Variants in FSTL5 observed in about 807,000 individuals in gnomAD.
The protein encoded by FSTL5 is follistatin-related protein 5.
In FSTL5, 62 loss-of-function variants were observed where a neutral mutation model predicts 89.1. That is an observed-to-expected ratio of 0.70 (90% CI 0.57 to 0.86). The LOEUF (loss-of-function observed/expected upper bound fraction) is 0.86, where lower values mean the gene tolerates loss of function less well. Among genes scored for constraint, FSTL5 ranks in the 40% least tolerant of loss-of-function variants. The probability of loss-of-function intolerance (pLI) is 0.00; values close to 1 mark genes in which losing one functional copy is unlikely to be tolerated. For missense variants in FSTL5, 1,057 were observed against 1,001.6 expected (o/e 1.06, Z -0.75); for synonymous variants, 383 against 346.2 (o/e 1.11, Z -1.18).
intron 3 of FSTL5, among the ~76,000 whole-genome samples, chr4:161,997,908 G>T (rs1736349738): frequency 6.6e-6 from 1 of 152,010 alleles, no homozygotes. Context: ...CCGGCCAAGT[G>T]TGTACATGTT....
At chr4:161,519,582 A>G (rs946634060) in intron 10 of FSTL5, among the ~76,000 whole-genome samples, 10 of 152,022 alleles carry the variant, frequency 6.6e-5, no homozygotes, top group African/African-American at 2.2e-4. Flanking sequence ...AAACATAAAA[A>G]CTTTTCTAGC....
At chr4:161,497,182 A>G (rs906911461) in intron 12 of FSTL5, among the ~76,000 whole-genome samples, 4 of 152,128 alleles carry the variant, frequency 2.6e-5, no homozygotes, top group Non-Finnish European at 4.4e-5. Flanking sequence ...TTGCATGTAC[A>G]TGACAGTATT....
Position 161,460,337 on chromosome 4 carries a change from C to T in FSTL5, c.1609-1018G>A, listed in dbSNP as rs191380723. 3.8e-3 allele frequency among the ~76,000 whole-genome samples: 536 copies of T among 140,238 alleles called. 20 individuals are homozygous for T. Among genetic ancestry groups the T allele is most frequent in the African/African-American group, 0.012 (484 of 40,286 alleles). 92.0% of individuals were successfully genotyped at this position (140,238 alleles called of 152,430 possible). ...ATGTGCCATGTTGGTGTGCTGCACC[C>T]GTTAACTTGTCATTTACATTAGGTG... On this transcript the variant is annotated intron_variant, in intron 13 of 15. Transcript: ENST00000306100.
chr4:161,662,801 T>G (rs889647598), intron 6 of FSTL5, among the ~76,000 whole-genome samples: 2 of 152,164 alleles, frequency 1.3e-5, no homozygotes, highest in African/African-American at 4.8e-5. Context: ...TAATTCACAC[T>G]GAGTCACTGT....
At chr4:161,411,861 A>C (rs549079964) in intron 15 of FSTL5, among the ~76,000 whole-genome samples, 1 of 152,318 alleles carries the variant, frequency 6.6e-6, no homozygotes, top group South Asian at 2.1e-4. Context: ...GAAAGAAAAG[A>C]AAGGAATAAA....
chr4:161,679,908 C>G (rs1221487396), intron 6 of FSTL5, among the ~76,000 whole-genome samples: 1 of 151,576 alleles, frequency 6.6e-6, no homozygotes, highest in African/African-American at 2.4e-5. Context: ...AAACTGAGTA[C>G]AAAACAATAT....
At position 161,920,404 on chromosome 4, in the gene FSTL5, C is replaced by T. The variant is rs1429314225; in HGVS notation, c.409G>A (p.Gly137Arg). ...CACTTAAGGTTCACCCTTCATTTACCTTTAAAGAAGCAGTCTTCATTGTGA... is the reference window on the plus strand; with the variant it reads ...CACTTAAGGTTCACCCTTCATTTACTTTTAAAGAAGCAGTCTTCATTGTGA... ...IVHNEDCFFKGDKCKTTEYSK... is the reference protein window; with the variant it reads ...IVHNEDCFFKRDKCKTTEYSK... Residue 137 changes from glycine to arginine, a missense_variant and splice_region_variant, in exon 4 of 16, where the codon GGA becomes AGA. Physicochemically the swap from Gly to Arg is moderately radical, Grantham distance 125. Coordinates refer to ENST00000306100, the MANE Select transcript of FSTL5 (RefSeq NM_020116.5). 6.2e-7 allele frequency: 1 copy of T among 1,613,450 alleles called. No individual in the cohort carries two copies. The highest frequency in any genetic ancestry group is 1.7e-5 in the Admixed American group (1 of 59,958).
intron 2 of FSTL5, among the ~76,000 whole-genome samples, chr4:162,100,499 A>G (rs1730952260): frequency 6.6e-6 from 1 of 152,216 alleles, no homozygotes; most frequent in Admixed American, 6.5e-5. Flanking sequence ...GATTCCAACT[A>G]TATGATGTTT....
At chr4:161,978,692 G>A (rs894109769) in intron 3 of FSTL5, among the ~76,000 whole-genome samples, 1 of 152,036 alleles carries the variant, frequency 6.6e-6, no homozygotes, top group African/African-American at 2.4e-5. Flanking sequence ...CGGCTCCCTA[G>A]TTTCTGTAGT....
chr4:161,919,691 C>G (rs773030051), intron 4 of FSTL5, among the ~76,000 whole-genome samples: 6 of 151,894 alleles, frequency 4.0e-5, no homozygotes, highest in Non-Finnish European at 7.4e-5. Flanking sequence ...TGACTATAAA[C>G]GAGAAAATAT....
chr4:161,610,706 T>C (rs575083988), intron 7 of FSTL5, among the ~76,000 whole-genome samples: 47 of 152,156 alleles, frequency 3.1e-4, no homozygotes, highest in Non-Finnish European at 5.1e-4. Flanking sequence ...CAAATTTCTT[T>C]CTTGAAATGA....
At chr4:161,617,311 T>C (rs1384878288) in intron 7 of FSTL5, among the ~76,000 whole-genome samples, 1 of 151,858 alleles carries the variant, frequency 6.6e-6, no homozygotes, top group African/African-American at 2.4e-5. Flanking sequence ...GGTAGACAAA[T>C]AGAAATTATG....
chr4:161,720,918 A>G (rs1400038983), intron 6 of FSTL5, among the ~76,000 whole-genome samples: 3 of 152,166 alleles, frequency 2.0e-5, no homozygotes, highest in Non-Finnish European at 2.9e-5. Flanking sequence ...GTTGTACAAG[A>G]TGAGTAAGTC....
At chr4:161,588,123 G>C (rs1032956873) in intron 7 of FSTL5, among the ~76,000 whole-genome samples, 1 of 152,142 alleles carries the variant, frequency 6.6e-6, no homozygotes, top group Admixed American at 6.6e-5. Flanking sequence ...GCAGTGACTT[G>C]AGAACGTGCC....
At chr4:161,952,184 G>A (rs1425309255) in intron 3 of FSTL5, among the ~76,000 whole-genome samples, 1 of 151,994 alleles carries the variant, frequency 6.6e-6, no homozygotes, top group Non-Finnish European at 1.5e-5. Flanking sequence ...TGTCTCACCA[G>A]CTTTGATCAG....
intron 10 of FSTL5, among the ~76,000 whole-genome samples, chr4:161,521,446 T>C (rs192658518): frequency 2.0e-5 from 3 of 152,264 alleles, no homozygotes; most frequent in South Asian, 4.1e-4. Context: ...AAGTCTTCTT[T>C]ATATGTTTAA....
At chr4:162,125,520 A>G (rs903036092) in intron 1 of FSTL5, among the ~76,000 whole-genome samples, 3 of 152,004 alleles carry the variant, frequency 2.0e-5, no homozygotes, top group Non-Finnish European at 4.4e-5. Context: ...TATGTTTTTA[A>G]GTTCTCTATT....
intron 15 of FSTL5, among the ~76,000 whole-genome samples, chr4:161,393,532 A>G (rs1730892220): frequency 6.6e-6 from 1 of 152,092 alleles, no homozygotes; most frequent in African/African-American, 2.4e-5. Flanking sequence ...TCCCGGCTTC[A>G]GCTAGTAAAT....
chr4:161,591,522 C>CA (rs1221372582), intron 7 of FSTL5, among the ~76,000 whole-genome samples: 2 of 145,582 alleles, frequency 1.4e-5, no homozygotes, highest in African/African-American at 5.0e-5. Context: ...TACTTAAATC[C>CA]AAAAAAATAA....
Sources: allele counts gnomAD v4.1 joint callset (sites outside exome capture counted in the v4.1 genomes callset), GRCh38; gene constraint gnomAD v4.1.1; transcripts MANE v1.5; gene names NCBI Gene and HGNC (gene_info 2026-07-23, HGNC 2026-07-21).